Variants in PKP4 observed in about 807,000 individuals in gnomAD.
PKP4 encodes plakophilin-4.
In PKP4, 90 loss-of-function variants were observed where a neutral mutation model predicts 145.1. The observed-to-expected ratio is 0.62, with a 90% CI of 0.52 to 0.74. The LOEUF is 0.74. Ranked by LOEUF, PKP4 falls within the 30% of genes least tolerant of loss-of-function variation. The pLI is 0.00. For synonymous variants in PKP4, 563 were observed against 577.2 expected (o/e 0.98, Z 0.35); for missense variants, 1,340 against 1,482.7 (o/e 0.90, Z 1.58).
intron 3 of PKP4, among the ~76,000 whole-genome samples, chr2:158,581,219 T>G (rs914707535): frequency 2.0e-5 from 3 of 152,196 alleles, no homozygotes; most frequent in Non-Finnish European, 4.4e-5. Flanking sequence ...CGGTATGCCA[T>G]TTCCGATTTG....
At chr2:158,457,274 C>G (rs976371238) in intron 1 of PKP4, 56 bp downstream of exon 1, 1 of 151,670 alleles carries the variant, frequency 6.6e-6, no homozygotes, top group Admixed American at 6.6e-5. Flanking sequence ...AGACCCTCGG[C>G]CCTCGCCCCG....
intron 4 of PKP4, among the ~76,000 whole-genome samples, chr2:158,618,012 A>G (rs1362509225): frequency 1.3e-5 from 2 of 152,134 alleles, no homozygotes; most frequent in Non-Finnish European, 2.9e-5. Context: ...GTGAAACCCC[A>G]TCTTTACTAA....
intron 17 of PKP4, among the ~76,000 whole-genome samples, chr2:158,672,886 A>G (rs915848254): frequency 2.0e-5 from 3 of 152,210 alleles, no homozygotes; most frequent in South Asian, 4.1e-4. Flanking sequence ...TAGATCGGGT[A>G]TATACATTTG....
At chr2:158,499,607 T>C (rs941910260) in intron 1 of PKP4, among the ~76,000 whole-genome samples, 1 of 152,150 alleles carries the variant, frequency 6.6e-6, no homozygotes, top group African/African-American at 2.4e-5. Context: ...GAACACATAT[T>C]TGTGTGAGTG....
chr2:158,645,787 T>C (rs1242875882), intron 11 of PKP4, among the ~76,000 whole-genome samples: 1 of 152,246 alleles, frequency 6.6e-6, no homozygotes, highest in Non-Finnish European at 1.5e-5. Context: ...TACAGTGCCT[T>C]TCCTGAGCTG....
chr2:158,597,420 T>C (rs2049848922), intron 3 of PKP4, among the ~76,000 whole-genome samples: 1 of 152,238 alleles, frequency 6.6e-6, no homozygotes, highest in Non-Finnish European at 1.5e-5. Context: ...ATACTATCTT[T>C]ACTCTCAAGA....
intron 11 of PKP4, among the ~76,000 whole-genome samples, chr2:158,650,853 C>T (rs747734003): frequency 2.0e-5 from 3 of 152,234 alleles, no homozygotes; most frequent in Non-Finnish European, 4.4e-5. Flanking sequence ...ACCTGCAGTG[C>T]TCTGTGCCAG....
At chr2:158,476,373 C>G (rs1966461) in intron 1 of PKP4, among the ~76,000 whole-genome samples, 108,131 of 152,046 alleles carry the variant, frequency 0.71, 39,018 homozygotes, top group East Asian at 0.89. Context: ...CACTCTTGCC[C>G]AGCCCGGAGT....
intron 1 of PKP4, among the ~76,000 whole-genome samples, chr2:158,486,002 T>C (rs955351082): frequency 6.6e-6 from 1 of 152,202 alleles, no homozygotes; most frequent in African/African-American, 2.4e-5. Context: ...TTAAATTTTT[T>C]TTATTTCTAA....
chr2:158,519,275 C>T (rs1227287337), intron 1 of PKP4, among the ~76,000 whole-genome samples: 1 of 152,038 alleles, frequency 6.6e-6, no homozygotes, highest in Non-Finnish European at 1.5e-5. Flanking sequence ...GCTTTTTCTT[C>T]AAGGCTTCTG....
chr2:158,540,175 A>C (rs550352553), intron 2 of PKP4, among the ~76,000 whole-genome samples: 1 of 152,334 alleles, frequency 6.6e-6, no homozygotes, highest in East Asian at 1.9e-4. Context: ...TCAACTATAT[A>C]TTCAGAATAA....
chr2:158,535,160 C>T (rs1322225727), intron 2 of PKP4, among the ~76,000 whole-genome samples: 1 of 152,110 alleles, frequency 6.6e-6, no homozygotes, highest in Non-Finnish European at 1.5e-5. Flanking sequence ...TGGCACCAGG[C>T]AAAATATAGT....
intron 1 of PKP4, among the ~76,000 whole-genome samples, chr2:158,479,349 G>A (rs544522930): frequency 1.3e-5 from 2 of 151,968 alleles, no homozygotes; most frequent in Admixed American, 6.5e-5. Context: ...TAAGCCTCTC[G>A]AGTAGCTGGA....
At chr2:158,670,658 G>A (rs1372617217) in intron 17 of PKP4, among the ~76,000 whole-genome samples, 1 of 152,160 alleles carries the variant, frequency 6.6e-6, no homozygotes, top group African/African-American at 2.4e-5. Flanking sequence ...CTGCAGGAAC[G>A]TCTTCTTGAA....
intron 4 of PKP4, among the ~76,000 whole-genome samples, chr2:158,617,974 G>A (rs1463763488): frequency 1.3e-5 from 2 of 152,170 alleles, no homozygotes; most frequent in Non-Finnish European, 2.9e-5. Context: ...CTTAGGGTCA[G>A]GAGTTTGAGG....
chr2:158,603,073 A>G lies in PKP4; in HGVS notation c.249A>G (p.Ser83=). The G allele has an allele frequency of 6.7e-7, 1 of 1,493,534 alleles. No homozygotes were observed. Among genetic ancestry groups the G allele is most frequent in the Admixed American group, 2.1e-5 (1 of 46,870 alleles). The allele number at this position is 1,493,534 out of a possible 1,614,324, so 92.5% of individuals were successfully genotyped here. The change falls in exon 4 of 22, where the codon TCA becomes TCG. Residue 83 remains serine (S), a synonymous_variant. Transcript: ENST00000389759. ...AESPSIASTS[S]TEKSFPWRST... Reference sequence around the variant, plus strand: ...TTTTTTCTTTCTTTTTCTTTAGCTCAACTGAGAAGTCATTTCCTTGGAGAT... The same window carrying G: ...TTTTTTCTTTCTTTTTCTTTAGCTCGACTGAGAAGTCATTTCCTTGGAGAT...
At chr2:158,624,209 C>T (rs2052536030) in intron 6 of PKP4, among the ~76,000 whole-genome samples, 1 of 152,140 alleles carries the variant, frequency 6.6e-6, no homozygotes, top group African/African-American at 2.4e-5. Context: ...AGAAGCTATG[C>T]TTGATCTAAA....
chr2:158,566,758 T>C (rs973704045), intron 2 of PKP4, among the ~76,000 whole-genome samples: 1 of 152,170 alleles, frequency 6.6e-6, no homozygotes, highest in Admixed American at 6.5e-5. Flanking sequence ...CTTTCCCAAA[T>C]GTAAGGAATT....
In PKP4 at chr2:158,490,350, T is replaced by TA. The variant is rs201525473; in HGVS notation, c.-6+33148dup. ...AACAGACCTGGTCACCAAATTGATTTAAAAAAAAAAAAAAAAGACGGCAAA... is the reference window on the plus strand; with the variant it reads ...AACAGACCTGGTCACCAAATTGATTTAAAAAAAAAAAAAAAAAGACGGCAAA... On this transcript the variant is annotated intron_variant, in intron 1 of 21. Coordinates refer to ENST00000389759, the MANE Select transcript of PKP4 (RefSeq NM_003628.6). 3.6e-3 allele frequency among the ~76,000 whole-genome samples: 457 copies of TA among 126,912 alleles called. 1 individual carries two copies. The highest frequency in any genetic ancestry group is 3.9e-3 in the African/African-American group (128 of 32,846). The allele number at this position is 126,912 out of a possible 152,430, so 83.3% of individuals were successfully genotyped here.
Sources: gnomAD v4.1 joint callset for allele counts (sites outside exome capture counted in the v4.1 genomes callset) on GRCh38, gnomAD v4.1.1 for gene constraint, MANE v1.5 for transcripts, NCBI Gene and HGNC (gene_info 2026-07-23, HGNC 2026-07-21) for gene names.